The following PCDH15 variants were observed in gnomAD, a reference collection of about 807,000 sequenced individuals.
PCDH15 encodes the protein protocadherin-15.
PCDH15 carries 129 observed loss-of-function variants against 178.5 expected under a neutral mutation model. That is an observed-to-expected ratio of 0.72 (90% CI 0.63 to 0.84). The LOEUF (loss-of-function observed/expected upper bound fraction) is 0.84. Ranked by LOEUF, PCDH15 falls within the 40% of genes least tolerant of loss-of-function variation. The pLI, the probability that PCDH15 is intolerant of heterozygous loss-of-function variation, is 0.00. For missense variants in PCDH15, 2,230 were observed against 2,099.9 expected (o/e 1.06, Z -1.21); for synonymous variants, 800 against 732.0 (o/e 1.09, Z -1.50).
intron 25 of PCDH15, among the ~76,000 whole-genome samples, chr10:53,905,462 T>G (rs1219819145): frequency 6.6e-6 from 1 of 152,192 alleles, no homozygotes; most frequent in Non-Finnish European, 1.5e-5. Flanking sequence ...GCGTCCCTAA[T>G]GGCTGTGACT....
At chr10:55,424,856 A>G (rs1454889077) in intron 2 of PCDH15, among the ~76,000 whole-genome samples, 1 of 151,842 alleles carries the variant, frequency 6.6e-6, no homozygotes, top group African/African-American at 2.4e-5. Flanking sequence ...GATAGCCATT[A>G]ATTGGCATCG....
At chr10:55,431,841 T>C (rs1469223541) in intron 2 of PCDH15, among the ~76,000 whole-genome samples, 2 of 152,268 alleles carry the variant, frequency 1.3e-5, no homozygotes, top group Non-Finnish European at 2.9e-5. Context: ...TAAAGCCTCT[T>C]ACACAAATCT....
chr10:55,411,937 T>C (rs1440917471), intron 2 of PCDH15, among the ~76,000 whole-genome samples: 1 of 152,038 alleles, frequency 6.6e-6, no homozygotes, highest in Non-Finnish European at 1.5e-5. Flanking sequence ...AAGGATATTA[T>C]ATATAGATAG....
At chr10:55,603,266 G>C (rs1843129384) in intron 2 of PCDH15, among the ~76,000 whole-genome samples, 1 of 151,362 alleles carries the variant, frequency 6.6e-6, no homozygotes, top group African/African-American at 2.4e-5. Context: ...ATCTACGTCT[G>C]ATTGGTGTAC....
At chr10:55,177,174 C>T (rs1021223123) in intron 1 of PCDH15, among the ~76,000 whole-genome samples, 2 of 152,158 alleles carry the variant, frequency 1.3e-5, no homozygotes, top group Non-Finnish European at 2.9e-5. Context: ...CTCCTTTTCC[C>T]TCCCCTAAAT....
intron 13 of PCDH15, 38 bp downstream of exon 13, chr10:54,183,406 C>T (rs1371690437): frequency 1.3e-6 from 2 of 1,559,990 alleles, no homozygotes; most frequent in Non-Finnish European, 1.8e-6. Context: ...ATGTAAATAA[C>T]AGCTTTGAGT....
intron 3 of PCDH15, among the ~76,000 whole-genome samples, chr10:54,433,587 T>C (rs532187397): frequency 6.6e-6 from 1 of 152,026 alleles, no homozygotes; most frequent in South Asian, 2.1e-4. Flanking sequence ...GGTTAATGGA[T>C]ATAAAAATTA....
At chr10:54,479,225 G>C (rs1347926219) in intron 3 of PCDH15, among the ~76,000 whole-genome samples, 3 of 151,780 alleles carry the variant, frequency 2.0e-5, no homozygotes, top group Admixed American at 1.3e-4. Flanking sequence ...TGAATTTAGT[G>C]AATTTACTAG....
At chr10:55,588,848 G>A (rs144177296) in intron 2 of PCDH15, among the ~76,000 whole-genome samples, 1,803 of 152,126 alleles carry the variant, frequency 0.012, 23 homozygotes, top group Non-Finnish European at 0.014. Flanking sequence ...TTTGGAGGCC[G>A]AGGTGGGTGG....
At position 54,020,401 on chromosome 10, in the gene PCDH15, G is replaced by C; in HGVS notation, c.2542C>G (p.Leu848Val). Residue 848 changes from leucine to valine, a missense_variant, in exon 20 of 38, where the codon CTT (leucine) becomes GTT (valine). By Grantham distance (32) the Leu-to-Val change is conservative. Coordinates refer to ENST00000644397, the MANE Select transcript of PCDH15 (RefSeq NM_001384140.1). ...ATCCGGTAAGACACATTTGCTCCAAGGTCGACATCTTTGGCCTGTAATAAG... is the reference window on the plus strand; with the variant it reads ...ATCCGGTAAGACACATTTGCTCCAACGTCGACATCTTTGGCCTGTAATAAG... ...ILQIEAKDVD[L>V]GANVSYRIRS... The C allele has an allele frequency of 6.2e-7, 1 of 1,613,682 alleles. No individual in the cohort carries two copies. The highest frequency in any genetic ancestry group is 8.5e-7 in the Non-Finnish European group (1 of 1,179,736).
intron 2 of PCDH15, among the ~76,000 whole-genome samples, chr10:55,550,376 T>C (rs1841980764): frequency 1.3e-5 from 2 of 152,234 alleles, no homozygotes; most frequent in African/African-American, 4.8e-5. Flanking sequence ...TTATGACTTG[T>C]CCTAGGGACA....
Position 54,378,944 on chromosome 10 carries a change from T to A in PCDH15, c.158-2A>T, listed in dbSNP as rs1304228309. The A allele has an allele frequency of 1.2e-5, 19 of 1,613,638 alleles. No homozygotes were observed. The highest frequency in any genetic ancestry group is 1.6e-5 in the Non-Finnish European group (19 of 1,179,710). On this transcript the variant is annotated splice_acceptor_variant, in intron 3 of 37. Coordinates refer to ENST00000644397, the MANE Select transcript of PCDH15 (RefSeq NM_001384140.1). LOFTEE classifies it high-confidence loss of function. ...GCATGTTGTCCACCAGAATTGTACC[T>A]GCAAACCAAAGAAAGGTACTTGAAA...
intron 13 of PCDH15, among the ~76,000 whole-genome samples, chr10:54,179,587 T>TA (rs936526617): frequency 6.0e-5 from 9 of 150,956 alleles, no homozygotes; most frequent in East Asian, 1.9e-4. Context: ...AAATAAAATT[T>TA]AAAAAAAAAG....
At chr10:54,974,574 T>A (rs984275985) in intron 2 of PCDH15, among the ~76,000 whole-genome samples, 1 of 151,920 alleles carries the variant, frequency 6.6e-6, no homozygotes, top group Non-Finnish European at 1.5e-5. Context: ...ATAAAAAATA[T>A]TTCCATTTAC....
At chr10:53,959,878 A>G (rs944009705) in intron 22 of PCDH15, 34 bp from the exon 23 acceptor site, 11 of 1,539,474 alleles carry the variant, frequency 7.1e-6, no homozygotes, top group South Asian at 1.1e-5. Flanking sequence ...GTTAAAGATT[A>G]TAAGTAAGAA....
chr10:55,541,516 T>C (rs1589124952), intron 2 of PCDH15, among the ~76,000 whole-genome samples: 1 of 151,964 alleles, frequency 6.6e-6, no homozygotes, highest in Non-Finnish European at 1.5e-5. Flanking sequence ...CCTCTAATGA[T>C]TGTATACATT....
chr10:54,747,218 T>C (rs985888561), intron 1 of PCDH15, among the ~76,000 whole-genome samples: 1 of 152,200 alleles, frequency 6.6e-6, no homozygotes, highest in Non-Finnish European at 1.5e-5. Flanking sequence ...AGTTAGGGAA[T>C]GACGAGATCC....
chr10:54,633,570 A>G (rs2093760636), intron 2 of PCDH15, among the ~76,000 whole-genome samples: 2 of 152,170 alleles, frequency 1.3e-5, no homozygotes, highest in South Asian at 4.1e-4. Flanking sequence ...GTGAAAGCCC[A>G]GAGTACCTAA....
intron 18 of PCDH15, among the ~76,000 whole-genome samples, chr10:54,050,141 G>C (rs1590120429): frequency 1.3e-5 from 2 of 152,274 alleles, no homozygotes; most frequent in Admixed American, 1.3e-4. Flanking sequence ...ACTGGTGCCA[G>C]CTCTTCTCTG....
Sources: allele counts gnomAD v4.1 joint callset (sites outside exome capture counted in the v4.1 genomes callset), GRCh38; gene constraint gnomAD v4.1.1; transcripts MANE v1.5; gene names NCBI Gene and HGNC (gene_info 2026-07-23, HGNC 2026-07-21).